The following DENND2A variants were observed in gnomAD, a reference collection of about 807,000 sequenced individuals.
DENND2A encodes DENN domain containing 2A.
DENND2A carries 53 observed loss-of-function variants against 105.3 expected under a neutral mutation model. That is an observed-to-expected ratio of 0.50 (90% confidence interval 0.40 to 0.63). The LOEUF (loss-of-function observed/expected upper bound fraction) is 0.63. DENND2A is among the 30% of genes least tolerant of loss of function. The pLI is 0.00. For missense variants in DENND2A, 1,138 were observed against 1,279.6 expected, an observed-to-expected ratio of 0.89 and a Z score of 1.69; for synonymous variants, 522 against 508.4, an observed-to-expected ratio of 1.03 and a Z score of -0.36.
chr7:140,534,144 G>A (rs139213102), intron 14 of DENND2A, among the ~76,000 whole-genome samples: 3,112 of 145,428 alleles, frequency 0.021, 109 homozygotes, highest in African/African-American at 0.077. Flanking sequence ...GAGTGCAATG[G>A]TGCGATCTTG....
In DENND2A at chr7:140,559,625, C is replaced by G; in HGVS notation, c.1889+83G>C. ...CAGGATTACTTAACGGTGGGAATGA[C>G]TCATGTGGTCTGCCACCTGTAACCC... On this transcript the variant is annotated intron_variant, in intron 10 of 19. Transcript: ENST00000496613. This position sits in a 1 kb window ranked among gnomAD's most constrained non-coding sequence, Gnocchi z 4.1. The G allele has an allele frequency of 1.0e-6, 1 of 967,650 alleles. No homozygotes were observed. Among genetic ancestry groups the G allele is most frequent in the South Asian group, 1.4e-5 (1 of 72,046 alleles). 59.9% of individuals were successfully genotyped at this position (967,650 alleles called of 1,614,324 possible). A position where few individuals can be genotyped will look rare whatever the true frequency, so the allele number is the denominator to read the frequency against.
At chr7:140,606,349 T>C (rs1799687258) in intron 1 of DENND2A, among the ~76,000 whole-genome samples, 1 of 152,050 alleles carries the variant, frequency 6.6e-6, no homozygotes, top group African/African-American at 2.4e-5. Flanking sequence ...CCTCTTTGCA[T>C]ATATCTTTTA....
At chr7:140,554,185 C>T (rs1258909647) in intron 12 of DENND2A, among the ~76,000 whole-genome samples, 1 of 151,598 alleles carries the variant, frequency 6.6e-6, no homozygotes, top group East Asian at 1.9e-4. Context: ...GAGGTCGCAC[C>T]CTTGCACTCC....
intron 12 of DENND2A, among the ~76,000 whole-genome samples, chr7:140,548,389 G>A (rs1012018152): frequency 1.3e-5 from 2 of 151,684 alleles, no homozygotes; most frequent in Non-Finnish European, 2.9e-5. Context: ...GGGTGAGATG[G>A]CACACACCTG....
chr7:140,588,368 AG>A (rs1798873106), intron 3 of DENND2A, among the ~76,000 whole-genome samples: 1 of 152,190 alleles, frequency 6.6e-6, no homozygotes, highest in Non-Finnish European at 1.5e-5. Context: ...AAAATAGAAA[AG>A]GGGGCCGGGA....
At chr7:140,587,899 G>A (rs1181156747) in intron 3 of DENND2A, 119 bp from the exon 4 acceptor site, 10 of 1,110,514 alleles carry the variant, frequency 9.0e-6, no homozygotes, top group South Asian at 4.3e-5. Flanking sequence ...AATTGTTACC[G>A]AAATCAACTT....
chr7:140,566,684 A>ATTTTTTTTTT (rs3043058), intron 9 of DENND2A, among the ~76,000 whole-genome samples: 2 of 113,248 alleles, frequency 1.8e-5, no homozygotes, highest in African/African-American at 3.6e-5. Context: ...TGGCCATACT[A>ATTTTTTTTTT]TTTTTTTTTT....
intron 14 of DENND2A, among the ~76,000 whole-genome samples, chr7:140,536,945 G>A (rs1796476121): frequency 6.6e-6 from 1 of 152,216 alleles, no homozygotes; most frequent in Non-Finnish European, 1.5e-5. Flanking sequence ...TTACAGGCGT[G>A]AGCCACTGCA....
intron 12 of DENND2A, among the ~76,000 whole-genome samples, chr7:140,547,312 A>C (rs537615669): frequency 6.6e-6 from 1 of 152,214 alleles, no homozygotes; most frequent in African/African-American, 2.4e-5. Context: ...TAGATATTAC[A>C]GTGGTTTGTA....
rs1801175455 is a variant in DENND2A, at chr7:140,640,791, G to C, written c.-535C>G. The C allele has an allele frequency of 6.7e-6, 1 of 150,256 alleles. No homozygotes were observed. Among genetic ancestry groups the C allele is most frequent in the African/African-American group, 2.5e-5 (1 of 40,666 alleles). The allele number at this position is 150,256 out of a possible 1,614,324, so 9.3% of individuals were successfully genotyped here. A position where few individuals can be genotyped will look rare whatever the true frequency, so the allele number is the denominator to read the frequency against. On this transcript the variant is annotated 5_prime_UTR_variant, in exon 1 of 20. Transcript: ENST00000496613. This position sits in a 1 kb window ranked among gnomAD's most constrained non-coding sequence, Gnocchi z 4.9. ...TCGCCCGCGGCCCCTGCCTCCTCCT[G>C]CCGTGGCTCCGCGACGATCTGCGCG... is the stretch of plus-strand genomic sequence containing the variant.
At position 140,522,041 on chromosome 7, in the gene DENND2A, C is replaced by G; in HGVS notation, c.2725G>C (p.Glu909Gln). ...AACAAAGAGTAGTGTCCCACAATCT[C>G]CACGAAGAAGCGGACAAAGGCTTCA... ...VSEAFVRFFVEIVGHYSLFLT... is the reference protein window; with the variant it reads ...VSEAFVRFFVQIVGHYSLFLT... The change falls in exon 18 of 20, where the codon GAG becomes CAG. Residue 909 changes from glutamate to glutamine, a missense_variant. Physicochemically the swap from Glu to Gln is conservative, Grantham distance 29. Coordinates refer to ENST00000496613, the MANE Select transcript of DENND2A (RefSeq NM_015689.5). 1 of 1,614,184 alleles carries G rather than the reference C, an allele frequency of 6.2e-7. No individual in the cohort carries two copies. Among genetic ancestry groups the G allele is most frequent in the Non-Finnish European group, 8.5e-7 (1 of 1,180,042 alleles).
At chr7:140,615,576 C>T (rs1338558495) in intron 1 of DENND2A, among the ~76,000 whole-genome samples, 1 of 149,426 alleles carries the variant, frequency 6.7e-6, no homozygotes, top group African/African-American at 2.5e-5. Context: ...CTCGCTCTGT[C>T]GCCCAGGCCA....
chr7:140,575,245 C>T (rs770274009), intron 5 of DENND2A, among the ~76,000 whole-genome samples: 3 of 151,792 alleles, frequency 2.0e-5, no homozygotes, highest in Non-Finnish European at 4.4e-5. Context: ...AGCTTCATTC[C>T]CAAGAGAAAA....
chr7:140,521,987 T>C lies in DENND2A; in HGVS notation c.2779A>G (p.Thr927Ala). ...TTGCGGAAGGCCTCCCGCTGCAGGG[T>C]TCTCTCCTCACGCTCGCCCGACGTC... ...FLTSGEREER[T>A]LQREAFRKAV... The change falls in exon 18 of 20, where the codon ACC becomes GCC. Residue 927 changes from threonine to alanine, a missense_variant. By Grantham distance (58) the Thr-to-Ala change is moderately conservative. Transcript: ENST00000496613. The C allele has an allele frequency of 1.2e-6, 2 of 1,614,010 alleles. No individual in the cohort carries two copies. Among genetic ancestry groups the C allele is most frequent in the Non-Finnish European group, 1.7e-6 (2 of 1,180,008 alleles).
intron 9 of DENND2A, among the ~76,000 whole-genome samples, chr7:140,563,810 C>A (rs750350263): frequency 1.3e-5 from 2 of 151,128 alleles, no homozygotes; most frequent in Non-Finnish European, 1.5e-5. Context: ...CTCGTCTCTA[C>A]GAAAAATAAA....
chr7:140,546,666 G>A (rs1796921332), intron 13 of DENND2A, 133 bp downstream of exon 13: 43 of 1,171,332 alleles, frequency 3.7e-5, no homozygotes, highest in Non-Finnish European at 4.9e-5. Flanking sequence ...GAGTGATCTG[G>A]GCCAGCTCTA....
chr7:140,574,115 G>GACCAGTTCC, intron 5 of DENND2A, 107 bp from the exon 6 acceptor site: 1 of 1,286,252 alleles, frequency 7.8e-7, no homozygotes, highest in Non-Finnish European at 1.1e-6. Flanking sequence ...AGAGGAACTG[G>GACCAGTTCC]TCTATGTTCC....
chr7:140,552,313 T>C (rs772651481), intron 12 of DENND2A, among the ~76,000 whole-genome samples: 1 of 152,048 alleles, frequency 6.6e-6, no homozygotes, highest in Non-Finnish European at 1.5e-5. Context: ...TCTTTTTCCC[T>C]TCTTTCATTT....
chr7:140,571,415 G>A (rs1343058332), intron 6 of DENND2A, among the ~76,000 whole-genome samples: 1 of 152,164 alleles, frequency 6.6e-6, no homozygotes, highest in Non-Finnish European at 1.5e-5. Flanking sequence ...GCCCACCTCA[G>A]CCTCCCAAAG....
Sources: gnomAD v4.1 joint callset for allele counts (sites outside exome capture counted in the v4.1 genomes callset) on GRCh38, gnomAD v4.1.1 for gene constraint, Gnocchi (gnomAD v3.1) non-coding constraint, MANE v1.5 for transcripts, NCBI Gene and HGNC (gene_info 2026-07-23, HGNC 2026-07-21) for gene names.